C2: variants seen among roughly 807,000 people sequenced by gnomAD.
C2 encodes the protein complement C2.
Under a neutral mutation model 85.2 loss-of-function variants are expected in C2, and 64 were observed. The observed-to-expected ratio is 0.75, with a 90% CI of 0.61 to 0.92. The LOEUF is 0.92. Ranked by LOEUF, C2 falls within the 40% of genes least tolerant of loss-of-function variation. The pLI is 0.00. For missense variants in C2, 820 were observed against 971.6 expected (o/e 0.84, Z 2.07); for synonymous variants, 311 against 370.8 (o/e 0.84, Z 1.85).
intron 9 of C2, 74 bp downstream of exon 9, chr6:31,939,394 G>T (rs946049453): frequency 6.1e-6 from 7 of 1,141,514 alleles, no homozygotes; most frequent in Middle Eastern, 2.8e-4. Flanking sequence ...AGGGATCCCA[G>T]CATCTTAGCT....
intron 5 of C2, 90 bp downstream of exon 5, chr6:31,934,055 C>T (rs1770186608): frequency 6.5e-7 from 1 of 1,545,580 alleles, no homozygotes; most frequent in Admixed American, 1.7e-5. Flanking sequence ...AGGCCAGGAG[C>T]CTTGGTGGGC....
Position 31,922,089 on chromosome 6 carries a change from C to G in C2, c.-100+2063C>G, listed in dbSNP as rs1769015704. The stretch of plus-strand genomic sequence containing the variant: ...TTAATTCTCTGTCATTTCCAGCTTT[C>G]TGTGCACAGATGGTGCAGGACACCA... On this transcript the variant is annotated intron_variant, in intron 1 of 3. Coordinates refer to the C2 transcript ENST00000413154. This position sits in a 1 kb window ranked among gnomAD's most constrained non-coding sequence, Gnocchi z 4.8. Among the ~76,000 whole-genome samples, 1 of 152,106 alleles carries G rather than the reference C, an allele frequency of 6.6e-6. No homozygotes were observed.
At chr6:31,926,628 G>A (rs1215024486), upstream of C2, among the ~76,000 whole-genome samples, 12 of 149,432 alleles carry the variant, frequency 8.0e-5, no homozygotes, top group Admixed American at 2.7e-4. Flanking sequence ...CACTGTGCCC[G>A]GTCTTATTTT....
upstream of C2, chr6:31,900,643 G>C (rs375600115): frequency 6.2e-7 from 1 of 1,612,798 alleles, no homozygotes; most frequent in Non-Finnish European, 8.5e-7. This position sits in a 1 kb window ranked among gnomAD's most constrained non-coding sequence, Gnocchi z 9.7. Flanking sequence ...GTTTGAGCCG[G>C]TGTGCCACCT....
chr6:31,943,097 TG>T lies in C2; in HGVS notation c.1360+1del. 1 of 1,613,030 alleles carries T rather than the reference TG, an allele frequency of 6.2e-7. No individual in the cohort carries two copies. Among genetic ancestry groups the T allele is most frequent in the South Asian group, 1.1e-5 (1 of 91,084 alleles). On this transcript the variant is annotated frameshift_variant and splice_region_variant, in exon 10 of 18. Coordinates refer to ENST00000299367, the MANE Select transcript of C2 (RefSeq NM_000063.6). LOFTEE classifies it high-confidence loss of function. The surrounding 1 kb of genome is among the most constrained non-coding windows in gnomAD (Gnocchi z 6.4). The stretch of plus-strand genomic sequence containing the variant: ...CTGCACCAGGTCTTTGAACATATGC[TG>T]GGTGAGTGAGCTTTGCCCTCCTTGG... ...KALHQVFEHM[L>X]DVSKLTDTIC... is the part of the protein sequence containing the mutation.
At chr6:31,919,461 T>C (rs1233737564), upstream of C2, among the ~76,000 whole-genome samples, 1 of 152,206 alleles carries the variant, frequency 6.6e-6, no homozygotes, top group African/African-American at 2.4e-5. Flanking sequence ...AGGTATCATA[T>C]GTACCCAGTG....
chr6:31,898,005 T>C (rs1766817132), upstream of C2: 3 of 748,898 alleles, frequency 4.0e-6, no homozygotes, highest in South Asian at 1.8e-4. Context: ...TCTGGCCTGG[T>C]TGGGCTTTTC....
At chr6:31,916,640 C>T (rs1391961148), upstream of C2, among the ~76,000 whole-genome samples, 5 of 151,078 alleles carry the variant, frequency 3.3e-5, no homozygotes, top group Non-Finnish European at 7.4e-5. Flanking sequence ...GAGGAGAGAG[C>T]TGAATGTCTC....
At chr6:31,908,974 A>C (rs992342970) in intron 1 of C2, among the ~76,000 whole-genome samples, 5 of 152,072 alleles carry the variant, frequency 3.3e-5, no homozygotes, top group Non-Finnish European at 7.3e-5. Flanking sequence ...ACGAAGCCCA[A>C]AATATCTCTG....
At chr6:31,934,000 G>C (rs763888249) in intron 5 of C2, 35 bp downstream of exon 5, 42 of 1,592,218 alleles carry the variant, frequency 2.6e-5, no homozygotes, top group Non-Finnish European at 3.5e-5. Flanking sequence ...GGTTGAGCAG[G>C]GTGCTGGATC....
upstream of C2, among the ~76,000 whole-genome samples, chr6:31,926,759 T>C (rs1037204787): frequency 3.3e-5 from 5 of 152,188 alleles, no homozygotes; most frequent in African/African-American, 7.2e-5. Flanking sequence ...GACTCACTTA[T>C]AAATCAAAAG....
chr6:31,921,786 T>C lies in C2; in HGVS notation c.-100+1760T>C, dbSNP rs1406961826. Among the ~76,000 whole-genome samples the C allele has an allele frequency of 6.6e-6, 1 of 152,176 alleles. No individual in the cohort carries two copies. The highest frequency in any genetic ancestry group is 1.9e-4 in the East Asian group (1 of 5,184). Reference sequence around the variant, plus strand: ...GACTTAAAAATACTGTCTGGCACTATGTCCTGCTAATATGAAGTCTTCCTC... The same window carrying C: ...GACTTAAAAATACTGTCTGGCACTACGTCCTGCTAATATGAAGTCTTCCTC... On this transcript the variant is annotated intron_variant, in intron 1 of 3. Transcript: ENST00000413154. The surrounding 1 kb of genome is among the most constrained non-coding windows in gnomAD (Gnocchi z 4.6).
upstream of C2, among the ~76,000 whole-genome samples, chr6:31,919,167 G>A (rs567279403): frequency 2.8e-5 from 4 of 144,424 alleles, no homozygotes; most frequent in Admixed American, 7.0e-5. Flanking sequence ...TTCTGGAGAC[G>A]GAGTTTTGTT....
upstream of C2, chr6:31,900,694 GTCCTCA>G (rs758568983): frequency 2.1e-4 from 337 of 1,610,082 alleles, no homozygotes; most frequent in Admixed American, 5.0e-4. This position sits in a 1 kb window ranked among gnomAD's most constrained non-coding sequence, Gnocchi z 9.7. Context: ...TGTCAGACAC[GTCCTCA>G]TCCTCATCCT....
intron 1 of C2, among the ~76,000 whole-genome samples, chr6:31,906,837 A>C (rs1767743324): frequency 6.6e-6 from 1 of 151,858 alleles, no homozygotes; most frequent in Non-Finnish European, 1.5e-5. Flanking sequence ...CTGTCAAGTT[A>C]AGAATTAGAG....
At chr6:31,899,992 G>A, upstream of C2, 3 of 1,609,180 alleles carry the variant, frequency 1.9e-6, no homozygotes, top group Middle Eastern at 4.0e-4. Flanking sequence ...TGGTCTTGCC[G>A]TGTTGCTCCT....
At chr6:31,924,536 G>A (rs141660272), upstream of C2, among the ~76,000 whole-genome samples, 5 of 152,278 alleles carry the variant, frequency 3.3e-5, no homozygotes, top group East Asian at 9.6e-4. Flanking sequence ...TACTCTGTGG[G>A]CCCAGAAAAC....
upstream of C2, chr6:31,900,891 T>C: frequency 6.2e-7 from 1 of 1,614,038 alleles, no homozygotes. This position sits in a 1 kb window ranked among gnomAD's most constrained non-coding sequence, Gnocchi z 9.7. Flanking sequence ...CTAGCCTCAC[T>C]GACCCCATCC....
rs41289111 is a variant in C2, at chr6:31,932,448, C to T, written c.443-1162C>T. The T allele has an allele frequency of 1.0e-3, 285 of 284,544 alleles. 3 individuals carry two copies. The highest frequency in any genetic ancestry group is 7.1e-3 in the South Asian group (273 of 38,224). The allele number at this position is 284,544 out of a possible 1,614,324, so 17.6% of individuals were successfully genotyped here. ...CTCCTCACTTCTCAGACGGGGCGGC[C>T]GGGCAGAGACGCTCCTCACATCCCG... On this transcript the variant is annotated intron_variant, in intron 3 of 17. Coordinates refer to ENST00000299367, the MANE Select transcript of C2 (RefSeq NM_000063.6).
Sources: gnomAD v4.1 joint callset for allele counts (sites outside exome capture counted in the v4.1 genomes callset) on GRCh38, gnomAD v4.1.1 for gene constraint, Gnocchi (gnomAD v3.1) non-coding constraint, MANE v1.5 for transcripts, NCBI Gene and HGNC (gene_info 2026-07-23, HGNC 2026-07-21) for gene names.